DAAM2: variants seen among roughly 807,000 people sequenced by gnomAD.
DAAM2 encodes dishevelled associated activator of morphogenesis 2.
Under a neutral mutation model 120.7 loss-of-function variants are expected in DAAM2, and 39 were observed. The observed-to-expected ratio is 0.32, with a 90% CI of 0.25 to 0.42. The LOEUF is 0.42. Ranked by LOEUF, DAAM2 falls within the 10% of genes least tolerant of loss-of-function variation. DAAM2 has a pLI of 1.00. For synonymous variants in DAAM2, 488 were observed against 524.9 expected (o/e 0.93, Z 0.96); for missense variants, 1,283 against 1,401.7 (o/e 0.92, Z 1.35).
intron 1 of DAAM2, among the ~76,000 whole-genome samples, chr6:39,826,706 A>AT: frequency 6.6e-6 from 1 of 152,340 alleles, no homozygotes; most frequent in Non-Finnish European, 1.5e-5. Flanking sequence ...AAAAATGTAC[A>AT]TAAAAAATCA....
intron 1 of DAAM2, among the ~76,000 whole-genome samples, chr6:39,800,242 GTGACGGATGTACACAGCCTGC>G (rs1263750959): frequency 6.6e-6 from 1 of 152,146 alleles, no homozygotes; most frequent in East Asian, 1.9e-4. Flanking sequence ...CTTAGGCTGC[GTGACGGATGTACACAGCCTGC>G]TGACCACCCT....
chr6:39,885,275 C>T (rs1429992253), intron 15 of DAAM2: 4 of 152,232 alleles, frequency 2.6e-5, no homozygotes, highest in Admixed American at 1.3e-4. Flanking sequence ...ACTCCTAATT[C>T]CAGGAGGCAT....
At position 39,876,706 on chromosome 6, in the gene DAAM2, GGTGTGT is replaced by G. The variant is rs373953758; in HGVS notation, c.1301+1256_1301+1261del. On this transcript the variant is annotated intron_variant, in intron 11 of 24. Coordinates refer to ENST00000274867, the MANE Select transcript of DAAM2 (RefSeq NM_001201427.2). ...GGGGCCAGGAAACTGGAATGGGAAG[GGTGTGT>G]GTGTGTGTGTGTGTGTGCGTGTGTG... Among the ~76,000 whole-genome samples, 441 of 149,580 alleles carry G rather than the reference GGTGTGT, an allele frequency of 2.9e-3. 1 individual carries two copies. Among genetic ancestry groups the G allele is most frequent in the African/African-American group, 9.9e-3 (403 of 40,910 alleles).
chr6:39,796,863 G>A (rs1260331834), intron 1 of DAAM2, among the ~76,000 whole-genome samples: 6 of 151,924 alleles, frequency 3.9e-5, no homozygotes, highest in Non-Finnish European at 8.8e-5. Context: ...ATTCCCCAGG[G>A]TTGTTCTGAA....
intron 10 of DAAM2, 65 bp from the exon 11 acceptor site, chr6:39,875,265 C>T: frequency 1.3e-6 from 2 of 1,560,906 alleles, no homozygotes; most frequent in East Asian, 2.3e-5. Flanking sequence ...CAGGCAGCAA[C>T]TCTAGGGTGG....
rs372779674 is a variant in DAAM2 at position 39,799,141 on chromosome 6, C to T, written c.-57+6676C>T. Among the ~76,000 whole-genome samples, 25 of 152,104 alleles carry T rather than the reference C, an allele frequency of 1.6e-4. No homozygotes were observed. The East Asian group carries it at 4.3e-3, about 26-fold the overall frequency. On this transcript the variant is annotated intron_variant, in intron 1 of 24. Coordinates refer to ENST00000274867, the MANE Select transcript of DAAM2 (RefSeq NM_001201427.2). Reference sequence around the variant, plus strand: ...CGACTATGTGGATACTTTGTGTCCTCGTCTCCCCACTGTTTGGTGGCTCCT... The same window carrying T: ...CGACTATGTGGATACTTTGTGTCCTTGTCTCCCCACTGTTTGGTGGCTCCT...
At chr6:39,830,222 T>C (rs1444476963) in intron 1 of DAAM2, among the ~76,000 whole-genome samples, 2 of 152,236 alleles carry the variant, frequency 1.3e-5, no homozygotes, top group Non-Finnish European at 2.9e-5. Context: ...TCTTCAGCAT[T>C]CACACTGAAG....
chr6:39,841,794 G>A (rs1197886080), intron 1 of DAAM2, among the ~76,000 whole-genome samples: 1 of 152,070 alleles, frequency 6.6e-6, no homozygotes, highest in East Asian at 1.9e-4. Context: ...TTGAGGATTG[G>A]CCTGTGTTCT....
intron 16 of DAAM2, chr6:39,887,885 C>T (rs1039945730): frequency 7.3e-5 from 27 of 371,524 alleles, no homozygotes; most frequent in African/African-American, 4.8e-4. Context: ...TGATCTCAGC[C>T]CCTAAGCATT....
intron 1 of DAAM2, among the ~76,000 whole-genome samples, chr6:39,796,574 A>G (rs1216229810): frequency 7.0e-6 from 1 of 142,866 alleles, no homozygotes. Flanking sequence ...TTATCAGACT[A>G]TGGTTATTAA....
rs1459553236 is a variant in DAAM2 at position 39,896,884 on chromosome 6, T to C, written c.2414T>C (p.Ile805Thr). Residue 805 changes from isoleucine to threonine, a missense_variant, in exon 20 of 25, where the codon ATA (isoleucine) becomes ACA (threonine). Around this residue, in one of 3 missense-constraint regions of DAAM2, gnomAD observed 748 missense variants for 768.6 expected, o/e 0.97. Coordinates refer to ENST00000274867, the MANE Select transcript of DAAM2 (RefSeq NM_001201427.2). ...LRQMLEVILA[I>T]GNFMNKGQRG... ...CAGATGCTAGAGGTCATCCTAGCCA[T>C]AGGCAACTTCATGAACAAAGGGCAG... 4.3e-6 allele frequency: 7 copies of C among 1,613,740 alleles called. No homozygotes were observed. The South Asian group carries it at 5.5e-5, about 13-fold the overall frequency.
chr6:39,853,637 T>C (rs182252224), intron 1 of DAAM2, among the ~76,000 whole-genome samples: 3 of 152,292 alleles, frequency 2.0e-5, no homozygotes, highest in Admixed American at 2.0e-4. Context: ...CCATGTCTGA[T>C]TCCTCTAGTA....
At position 39,811,174 on chromosome 6, in the gene DAAM2, AGTGTGT is replaced by A. The variant is rs59432565; in HGVS notation, c.-57+18743_-57+18748del. Reference sequence around the variant, plus strand: ...ATTTGTAAGCCTGTAAACTGAAGGGAGTGTGTGTGTGTGTGTGTGTGTGTGTGTGTG... The same window carrying A: ...ATTTGTAAGCCTGTAAACTGAAGGGAGTGTGTGTGTGTGTGTGTGTGTGTG... On this transcript the variant is annotated intron_variant, in intron 1 of 24. Coordinates refer to ENST00000274867, the MANE Select transcript of DAAM2 (RefSeq NM_001201427.2). Among the ~76,000 whole-genome samples the A allele has an allele frequency of 2.5e-3, 360 of 146,524 alleles. 1 individual carries two copies. The highest frequency in any genetic ancestry group is 8.0e-3 in the African/African-American group (313 of 39,146).
chr6:39,836,629 A>C (rs1582646893), intron 1 of DAAM2, among the ~76,000 whole-genome samples: 1 of 151,970 alleles, frequency 6.6e-6, no homozygotes, highest in South Asian at 2.1e-4. Context: ...TAAATCAGAA[A>C]CTCTGGGGTG....
chr6:39,842,863 A>G (rs1435040931), intron 1 of DAAM2, among the ~76,000 whole-genome samples: 1 of 151,250 alleles, frequency 6.6e-6, no homozygotes, highest in Non-Finnish European at 1.5e-5. Flanking sequence ...TGGGCATGAG[A>G]TTGGGGTGAG....
chr6:39,865,966 A>C (rs1764413172), intron 5 of DAAM2, among the ~76,000 whole-genome samples: 1 of 152,234 alleles, frequency 6.6e-6, no homozygotes, highest in African/African-American at 2.4e-5. Flanking sequence ...CTGTAGCTTG[A>C]AATTGGCTAT....
At chr6:39,900,283 A>G (rs1473131469) in intron 23 of DAAM2, 75 bp downstream of exon 23, 7 of 1,543,158 alleles carry the variant, frequency 4.5e-6, no homozygotes, top group Non-Finnish European at 6.1e-6. Flanking sequence ...TTCCTACCAC[A>G]GACAGCCCAG....
intron 1 of DAAM2, among the ~76,000 whole-genome samples, chr6:39,827,085 G>A (rs755477299): frequency 6.6e-6 from 1 of 152,136 alleles, no homozygotes; most frequent in Non-Finnish European, 1.5e-5. Flanking sequence ...TGTAGTTGTT[G>A]TTTCCACTTA....
intron 1 of DAAM2, among the ~76,000 whole-genome samples, chr6:39,810,390 T>C (rs1270833038): frequency 6.6e-6 from 1 of 152,174 alleles, no homozygotes; most frequent in Non-Finnish European, 1.5e-5. Context: ...ATGTAATCAA[T>C]AGAAAAAGCA....
Sources: gnomAD v4.1 joint callset for allele counts (sites outside exome capture counted in the v4.1 genomes callset) on GRCh38, gnomAD v4.1.1 for gene constraint, gnomAD v4.1.1 regional missense constraint, MANE v1.5 for transcripts, NCBI Gene and HGNC (gene_info 2026-07-23, HGNC 2026-07-21) for gene names.